Variants in HCN1 observed in about 807,000 individuals in gnomAD.
The protein encoded by HCN1 is hyperpolarization activated cyclic nucleotide gated potassium channel 1.
A neutral mutation model predicts 78.9 loss-of-function variants in HCN1; 13 were observed. The ratio of observed to expected loss-of-function variants is 0.16; its 90% CI spans 0.11 to 0.26. HCN1 has a LOEUF of 0.26. HCN1 is among the 10% of genes least tolerant of loss of function. HCN1 has a pLI of 1.00. For missense variants in HCN1, 810 were observed against 1,154.3 expected, an observed-to-expected ratio of 0.70 and a Z score of 4.32; for synonymous variants, 552 against 455.5, an observed-to-expected ratio of 1.21 and a Z score of -2.70.
At chr5:45,434,242 G>T (rs550478148) in intron 3 of HCN1, among the ~76,000 whole-genome samples, 2 of 152,272 alleles carry the variant, frequency 1.3e-5, no homozygotes, top group African/African-American at 2.4e-5. Flanking sequence ...GGTATAATAT[G>T]CATTTTTATA....
chr5:45,326,931 ACT>A (rs1746245552), intron 5 of HCN1, among the ~76,000 whole-genome samples: 1 of 151,436 alleles, frequency 6.6e-6, no homozygotes, highest in South Asian at 2.1e-4. Context: ...ATAATGCAAA[ACT>A]CTCTTAGTGT....
Position 45,548,484 on chromosome 5 carries a change from G to T in HCN1, c.850-86477C>A, listed in dbSNP as rs549113456. ...AACTCTCAATAAATTAGGTACTCAC[G>T]GGACATATCTCGAAATAATAAGAGC... is the stretch of plus-strand genomic sequence containing the variant. On this transcript the variant is annotated intron_variant, in intron 2 of 7. Transcript: ENST00000303230. Among the ~76,000 whole-genome samples, 12 of 152,006 alleles carry T rather than the reference G, an allele frequency of 7.9e-5. No individual in the cohort carries two copies. In the South Asian group the frequency reaches 2.3e-3, roughly 29 times the overall value.
At chr5:45,347,393 T>C (rs1434945936) in intron 5 of HCN1, among the ~76,000 whole-genome samples, 1 of 151,940 alleles carries the variant, frequency 6.6e-6, no homozygotes, top group East Asian at 1.9e-4. Context: ...AGAACAAAAG[T>C]CGATAAAACC....
At chr5:45,539,347 G>T (rs988228456) in intron 2 of HCN1, among the ~76,000 whole-genome samples, 5 of 151,064 alleles carry the variant, frequency 3.3e-5, no homozygotes, top group Admixed American at 1.3e-4. Flanking sequence ...TATTATTAAA[G>T]TAGAAATAAA....
At position 45,262,281 on chromosome 5, in the gene HCN1, C is replaced by G. The variant is rs1744761117; in HGVS notation, c.2313G>C (p.Thr771=). ...TCAGGTTGGTGTTGTGAAGCGCCTGCGTGCTCTTGTGCACTTCATTTTTCG... is the reference window on the plus strand; with the variant it reads ...TCAGGTTGGTGTTGTGAAGCGCCTGGGTGCTCTTGTGCACTTCATTTTTCG... ...STPKNEVHKS[T]QALHNTNLTR... is the part of the protein sequence containing the mutation. Residue 771 remains threonine, a synonymous_variant, in exon 8 of 8, where the codon ACG becomes ACC. Coordinates refer to ENST00000303230, the MANE Select transcript of HCN1 (RefSeq NM_021072.4). The G allele has an allele frequency of 1.2e-6, 2 of 1,613,986 alleles. No individual in the cohort carries two copies. The highest frequency in any genetic ancestry group is 4.5e-5 in the East Asian group (2 of 44,872).
At chr5:45,344,234 C>T (rs1194877580) in intron 5 of HCN1, among the ~76,000 whole-genome samples, 1 of 152,068 alleles carries the variant, frequency 6.6e-6, no homozygotes, top group African/African-American at 2.4e-5. Context: ...CGGGTAACTG[C>T]CCCATGATTC....
chr5:45,636,955 A>T (rs1379028668), intron 2 of HCN1, among the ~76,000 whole-genome samples: 1 of 152,270 alleles, frequency 6.6e-6, no homozygotes, highest in South Asian at 2.1e-4. Context: ...TTAAATTCAT[A>T]GAAACATTCA....
chr5:45,573,596 C>G (rs911194019), intron 2 of HCN1, among the ~76,000 whole-genome samples: 1 of 151,900 alleles, frequency 6.6e-6, no homozygotes, highest in Non-Finnish European at 1.5e-5. Context: ...ACAAAATGGT[C>G]TTATGTGCTA....
chr5:45,400,740 A>T lies in HCN1; in HGVS notation c.1012-4030T>A, dbSNP rs190965893. Among the ~76,000 whole-genome samples, 520 of 152,156 alleles carry T rather than the reference A, an allele frequency of 3.4e-3. 3 individuals are homozygous for T. Among genetic ancestry groups the T allele is most frequent in the South Asian group, 7.7e-3 (37 of 4,824 alleles). Reference sequence around the variant, plus strand: ...CTTTCTTATTTTTAAAATCATTAGCAACTTTTCTATTTTCCATTCTTCACA... The same window carrying T: ...CTTTCTTATTTTTAAAATCATTAGCTACTTTTCTATTTTCCATTCTTCACA... On this transcript the variant is annotated intron_variant, in intron 3 of 7. Transcript: ENST00000303230.
At chr5:45,339,141 C>G (rs10060015) in intron 5 of HCN1, among the ~76,000 whole-genome samples, 34,723 of 151,972 alleles carry the variant, frequency 0.23, 5,098 homozygotes, top group African/African-American at 0.41. Context: ...ATTCACGACT[C>G]TGTTAAAGAA....
intron 1 of HCN1, among the ~76,000 whole-genome samples, chr5:45,687,675 C>G (rs1739835370): frequency 6.6e-6 from 1 of 152,106 alleles, no homozygotes; most frequent in African/African-American, 2.4e-5. Flanking sequence ...TTTAGTCTTT[C>G]TCTGCTTGAT....
chr5:45,532,129 C>T (rs941970462), intron 2 of HCN1, among the ~76,000 whole-genome samples: 4 of 152,180 alleles, frequency 2.6e-5, no homozygotes, highest in Non-Finnish European at 4.4e-5. Context: ...GTTTCCATAA[C>T]ACTTTGTTCA....
chr5:45,506,168 C>T (rs947090817), intron 2 of HCN1, among the ~76,000 whole-genome samples: 1 of 152,108 alleles, frequency 6.6e-6, no homozygotes, highest in African/African-American at 2.4e-5. Flanking sequence ...AAATATATCT[C>T]AAACTTAGAT....
intron 2 of HCN1, among the ~76,000 whole-genome samples, chr5:45,469,430 A>T (rs1183292165): frequency 6.6e-6 from 1 of 152,020 alleles, no homozygotes; most frequent in Admixed American, 6.6e-5. Flanking sequence ...CTATTCCTCT[A>T]TTAAAAATTT....
At position 45,303,640 on chromosome 5, in the gene HCN1, G is replaced by A; in HGVS notation, c.1577C>T (p.Ser526Phe). The change falls in exon 6 of 8, where the codon TCC becomes TTC. Residue 526 changes from serine to phenylalanine, a missense_variant. By Grantham distance (155) the Ser-to-Phe change is radical. Around this residue, in one of 6 missense-constraint regions of HCN1, gnomAD observed 100 missense variants for 126.8 expected, o/e 0.79. Coordinates refer to ENST00000303230, the MANE Select transcript of HCN1 (RefSeq NM_021072.4). ...QHGVAGVITK[S>F]SKEMKLTDGS... ...ATCTGTCAGCTTCATTTCTTTACTG[G>A]ATTTTGTAATGACACCAGCAACACC... 2 of 1,613,266 alleles carry A rather than the reference G, an allele frequency of 1.2e-6. 1 individual carries two copies. The highest frequency in any genetic ancestry group is 2.2e-5 in the South Asian group (2 of 91,068).
chr5:45,569,694 C>T (rs1743784927), intron 2 of HCN1, among the ~76,000 whole-genome samples: 1 of 151,952 alleles, frequency 6.6e-6, no homozygotes, highest in East Asian at 1.9e-4. Context: ...TTCAAACATC[C>T]ATTTTTTTAA....
intron 5 of HCN1, among the ~76,000 whole-genome samples, chr5:45,346,706 G>C (rs1030165303): frequency 6.6e-6 from 1 of 152,204 alleles, no homozygotes; most frequent in Non-Finnish European, 1.5e-5. Flanking sequence ...CACACCAGGA[G>C]ATTATATCCT....
chr5:45,328,247 C>G lies in HCN1; in HGVS notation c.1378-24408G>C, dbSNP rs866250521. 4.4e-4 allele frequency among the ~76,000 whole-genome samples: 67 copies of G among 150,906 alleles called. 2 individuals are homozygous for G. Among genetic ancestry groups the G allele is most frequent in the South Asian group, 2.1e-4 (1 of 4,820 alleles). ...ACTGTCGCAGTTTGCGGTGCCACAG[C>G]AAAACTAGCATTTTTTTTTTTCTTC... On this transcript the variant is annotated intron_variant, in intron 5 of 7. Transcript: ENST00000303230.
At chr5:45,354,302 G>GA (rs934218396) in intron 4 of HCN1, among the ~76,000 whole-genome samples, 61 of 149,722 alleles carry the variant, frequency 4.1e-4, no homozygotes, top group African/African-American at 1.3e-3. Flanking sequence ...ACCACACACT[G>GA]AAAAAAAAAT....
Sources: gnomAD v4.1 joint callset for allele counts (sites outside exome capture counted in the v4.1 genomes callset) on GRCh38, gnomAD v4.1.1 for gene constraint, gnomAD v4.1.1 regional missense constraint, MANE v1.5 for transcripts, NCBI Gene and HGNC (gene_info 2026-07-23, HGNC 2026-07-21) for gene names.